MALT1: variants seen among roughly 807,000 people sequenced by gnomAD.
MALT1 encodes the protein mucosa-associated lymphoid tissue lymphoma translocation protein 1.
Under a neutral mutation model 85.5 loss-of-function variants are expected in MALT1, and 36 were observed. The observed-to-expected ratio is 0.42, with a 90% confidence interval of 0.32 to 0.56. The LOEUF is 0.56. Among genes scored for constraint, MALT1 ranks in the 20% least tolerant of loss-of-function variants. The pLI is 0.10. For synonymous variants in MALT1, 359 were observed against 361.3 expected (o/e 0.99, Z 0.07); for missense variants, 716 against 981.6 (o/e 0.73, Z 3.62).
rs2055419838 is a variant in MALT1, at chr18:58,749,631, T to G, written c.*1789T>G. On this transcript the variant is annotated 3_prime_UTR_variant, in exon 17 of 17. Transcript: ENST00000649217. ...CGGATATCAATTTGAGGGTTATAAA[T>G]TTTAGCAAGTTGGTAAATTCACAAA... 6 of 219,778 alleles carry G rather than the reference T, an allele frequency of 2.7e-5. No homozygotes were observed. The highest frequency in any genetic ancestry group is 5.5e-5 in the Non-Finnish European group (6 of 109,614). The allele number at this position is 219,778 out of a possible 1,614,324, so 13.6% of individuals were successfully genotyped here. A position where few individuals can be genotyped will look rare whatever the true frequency, so the allele number is the denominator to read the frequency against.
intron 12 of MALT1, among the ~76,000 whole-genome samples, chr18:58,734,959 A>G (rs1292628643): frequency 6.6e-6 from 1 of 152,226 alleles, no homozygotes; most frequent in Non-Finnish European, 1.5e-5. Context: ...TACGTATTCA[A>G]TGTGGAATGA....
intron 10 of MALT1, among the ~76,000 whole-genome samples, chr18:58,731,410 G>A (rs2055147569): frequency 6.6e-6 from 1 of 152,008 alleles, no homozygotes; most frequent in South Asian, 2.1e-4. Context: ...CCATTCTTTT[G>A]GTCATTATTT....
intron 8 of MALT1, among the ~76,000 whole-genome samples, chr18:58,715,021 A>C (rs2054880570): frequency 6.6e-6 from 1 of 152,176 alleles, no homozygotes; most frequent in African/African-American, 2.4e-5. Flanking sequence ...CACAGCAGAA[A>C]GTCCCCATTA....
chr18:58,690,067 C>A (rs960962433), intron 2 of MALT1, among the ~76,000 whole-genome samples: 2 of 152,242 alleles, frequency 1.3e-5, no homozygotes, highest in African/African-American at 4.8e-5. Flanking sequence ...TTTGCAGATA[C>A]TTCACTTTCT....
At chr18:58,693,237 A>G (rs1370874302) in intron 2 of MALT1, among the ~76,000 whole-genome samples, 1 of 152,178 alleles carries the variant, frequency 6.6e-6, no homozygotes, top group African/African-American at 2.4e-5. Context: ...CCTGGGCAAC[A>G]TGGTGAAACC....
intron 12 of MALT1, chr18:58,734,668 TC>T: frequency 3.4e-6 from 1 of 296,564 alleles, no homozygotes; most frequent in Non-Finnish European, 6.2e-6. Context: ...TCCTTGATAT[TC>T]TGCGTAGAAA....
intron 2 of MALT1, among the ~76,000 whole-genome samples, chr18:58,686,586 G>C (rs1443029699): frequency 6.6e-6 from 1 of 152,154 alleles, no homozygotes; most frequent in Non-Finnish European, 1.5e-5. Context: ...TCATATGAAA[G>C]GTGCCTCACT....
At chr18:58,720,995 A>G (rs1372483079) in intron 9 of MALT1, among the ~76,000 whole-genome samples, 1 of 152,192 alleles carries the variant, frequency 6.6e-6, no homozygotes, top group Non-Finnish European at 1.5e-5. Context: ...AATAGCATTG[A>G]TGGACTCAAA....
intron 13 of MALT1, among the ~76,000 whole-genome samples, chr18:58,738,789 C>CTG (rs35316552): frequency 0.54 from 67,241 of 125,060 alleles, 16,251 homozygotes; most frequent in South Asian, 0.7. Flanking sequence ...GTGCATTCTT[C>CTG]TGTGTGTGTG....
At chr18:58,715,099 A>G (rs1241866190) in intron 8 of MALT1, among the ~76,000 whole-genome samples, 1 of 152,176 alleles carries the variant, frequency 6.6e-6, no homozygotes, top group Non-Finnish European at 1.5e-5. Context: ...ACCTGCCTCA[A>G]GTAGGTCTTG....
chr18:58,727,617 T>TTTTTTTTTTTG (rs1206752619), intron 10 of MALT1, among the ~76,000 whole-genome samples: 3 of 120,212 alleles, frequency 2.5e-5, no homozygotes, highest in African/African-American at 9.6e-5. Flanking sequence ...GTTTTTTGTG[T>TTTTTTTTTTTG]TTTTTTTTTT....
intron 10 of MALT1, among the ~76,000 whole-genome samples, chr18:58,730,072 G>A (rs181435883): frequency 6.6e-6 from 1 of 152,336 alleles, no homozygotes; most frequent in East Asian, 1.9e-4. Flanking sequence ...AGAGTAACTT[G>A]AGCAAAGTTG....
intron 7 of MALT1, among the ~76,000 whole-genome samples, chr18:58,712,777 A>G (rs1378884594): frequency 6.6e-6 from 1 of 151,890 alleles, no homozygotes; most frequent in East Asian, 1.9e-4. Flanking sequence ...TCAAAATATC[A>G]TATGTATCCC....
At chr18:58,695,091 A>G (rs1189607065) in intron 2 of MALT1, among the ~76,000 whole-genome samples, 8 of 151,894 alleles carry the variant, frequency 5.3e-5, no homozygotes, top group Non-Finnish European at 7.4e-5. Flanking sequence ...CCCTGCCCGC[A>G]CCTTCTTCTC....
chr18:58,727,831 AT>A (rs1427928060), intron 10 of MALT1, among the ~76,000 whole-genome samples: 32 of 152,060 alleles, frequency 2.1e-4, no homozygotes, highest in African/African-American at 7.5e-4. Flanking sequence ...CTTACTAGGC[AT>A]TTCAGTTTGG....
At chr18:58,679,453 G>T (rs2144306154) in intron 1 of MALT1, among the ~76,000 whole-genome samples, 1 of 152,364 alleles carries the variant, frequency 6.6e-6, no homozygotes, top group Non-Finnish European at 1.5e-5. Context: ...CTGTGCTCCA[G>T]TGAAACTTTA....
At chr18:58,681,028 C>T (rs980651207) in intron 1 of MALT1, 142 bp from the exon 2 acceptor site, 2 of 551,832 alleles carry the variant, frequency 3.6e-6, no homozygotes, top group Non-Finnish European at 3.2e-6. Context: ...AAAGGATACT[C>T]GCATTCATTA....
chr18:58,743,694 G>A (rs990951644), intron 14 of MALT1, among the ~76,000 whole-genome samples: 2 of 152,090 alleles, frequency 1.3e-5, no homozygotes, highest in Non-Finnish European at 2.9e-5. Context: ...GAAGTATAGA[G>A]AAAAATTTTT....
At position 58,752,337 on chromosome 18, in the gene MALT1, G is replaced by A. The variant is rs2055457545; in HGVS notation, c.*4495G>A. On this transcript the variant is annotated 3_prime_UTR_variant, in exon 17 of 17. Transcript: ENST00000649217. ...TTTTCCAAACAGACGTCCTGACAAT[G>A]TTGTTTCCTATTCCTTGAACATTCA... 3 of 152,120 alleles carry A rather than the reference G, an allele frequency of 2.0e-5. No individual in the cohort carries two copies. The highest frequency in any genetic ancestry group is 1.3e-4 in the Admixed American group (2 of 15,266). The allele number at this position is 152,120 out of a possible 1,614,324, so 9.4% of individuals were successfully genotyped here.
Sources: gnomAD v4.1 joint callset for allele counts (sites outside exome capture counted in the v4.1 genomes callset) on GRCh38, gnomAD v4.1.1 for gene constraint, MANE v1.5 for transcripts, NCBI Gene and HGNC (gene_info 2026-07-23, HGNC 2026-07-21) for gene names.